CAND2: variants seen among roughly 807,000 people sequenced by gnomAD.
CAND2 encodes the protein cullin-associated NEDD8-dissociated protein 2.
In CAND2, 62 loss-of-function variants were observed where a neutral mutation model predicts 98.9. The observed-to-expected ratio is 0.63, with a 90% confidence interval of 0.51 to 0.77. CAND2 has a LOEUF of 0.77. CAND2 is among the 30% of genes least tolerant of loss of function. CAND2 has a pLI of 0.00. For missense variants in CAND2, 1,501 were observed against 1,655.2 expected, an observed-to-expected ratio of 0.91 and a Z score of 1.62; for synonymous variants, 770 against 731.9, an observed-to-expected ratio of 1.05 and a Z score of -0.84.
chr3:12,824,997 C>A (rs1470884009), intron 11 of CAND2, among the ~76,000 whole-genome samples: 1 of 152,200 alleles, frequency 6.6e-6, no homozygotes, highest in Admixed American at 6.5e-5. Flanking sequence ...GTTTCTTGAC[C>A]TCTCTGATCT....
chr3:12,816,969 G>A lies in CAND2; in HGVS notation c.2037G>A (p.Leu679=), dbSNP rs1202403627. Residue 679 remains leucine, a synonymous_variant, in exon 10 of 15, where the codon CTG becomes CTA. Coordinates refer to ENST00000456430, the MANE Select transcript of CAND2 (RefSeq NM_001162499.2). ...RLATLAALDA[L]AQSQGLSLPP... is the part of the protein sequence containing the mutation. ...CCACACTGGCAGCCCTGGACGCCCT[G>A]GCCCAGAGCCAGGGCCTCAGCCTCC... 2 of 1,613,168 alleles carry A rather than the reference G, an allele frequency of 1.2e-6. No individual in the cohort carries two copies. Among genetic ancestry groups the A allele is most frequent in the African/African-American group, 1.3e-5 (1 of 75,058 alleles).
rs1290513545 is a variant in CAND2 at position 12,816,006 on chromosome 3, C to G, written c.1439C>G (p.Ser480Ter). ...GCCGAGCATATGCCTGTGCTGGTAT[C>G]AGGTAGGCTGGACTGCAACCAGGTA... is the stretch of plus-strand genomic sequence containing the variant. ...SLAEHMPVLVSGIIFSLADRS... is the reference protein window; with the variant it reads ...SLAEHMPVLV The change falls in exon 9 of 15, where the codon TCA (serine) becomes TGA (stop). Residue 480 changes from serine (S) to a stop codon, truncating the protein, a stop_gained and splice_region_variant. Coordinates refer to ENST00000456430, the MANE Select transcript of CAND2 (RefSeq NM_001162499.2). LOFTEE classifies it high-confidence loss of function. 6.2e-7 allele frequency: 1 copy of G among 1,613,184 alleles called. No individual in the cohort carries two copies. Among genetic ancestry groups the G allele is most frequent in the Non-Finnish European group, 8.5e-7 (1 of 1,179,476 alleles).
At chr3:12,827,833 A>G (rs1045359310) in intron 13 of CAND2, among the ~76,000 whole-genome samples, 6 of 152,066 alleles carry the variant, frequency 3.9e-5, no homozygotes, top group African/African-American at 1.4e-4. Context: ...GAAAAAAAAA[A>G]TTGTCCAGGT....
At position 12,813,294 on chromosome 3, in the gene CAND2, C is replaced by T. The variant is rs1305228900; in HGVS notation, c.912C>T (p.Cys304=). The part of the protein sequence containing the change: ...GPHVPNVTSL[C]LQYIKHDPNY... Reference sequence around the variant, plus strand: ...ACGTGCCCAACGTGACCAGCCTCTGCCTCCAATACATAAAACACGACCCCA... The same window carrying T: ...ACGTGCCCAACGTGACCAGCCTCTGTCTCCAATACATAAAACACGACCCCA... Residue 304 remains cysteine, a synonymous_variant, in exon 7 of 15, where the codon TGC becomes TGT. Transcript: ENST00000456430. The T allele has an allele frequency of 1.2e-6, 2 of 1,614,038 alleles. No individual in the cohort carries two copies. The highest frequency in any genetic ancestry group is 1.7e-6 in the Non-Finnish European group (2 of 1,180,016).
At chr3:12,819,950 C>T (rs1319185931) in intron 10 of CAND2, 136 bp from the exon 11 acceptor site, 1 of 664,726 alleles carries the variant, frequency 1.5e-6, no homozygotes, top group Non-Finnish European at 2.6e-6. Context: ...TGGTAGAATC[C>T]ACTTTCCCAG....
intron 11 of CAND2, among the ~76,000 whole-genome samples, chr3:12,823,597 C>T (rs1418254435): frequency 1.3e-5 from 2 of 152,168 alleles, no homozygotes; most frequent in African/African-American, 2.4e-5. Context: ...GGCATGCTGG[C>T]GGGCGCCTGT....
At chr3:12,825,740 C>T in intron 12 of CAND2, 101 bp downstream of exon 12, 1 of 1,284,418 alleles carries the variant, frequency 7.8e-7, no homozygotes, top group Non-Finnish European at 1.1e-6. Flanking sequence ...GGTGCCGGGG[C>T]CACATGGCCT....
At position 12,817,585 on chromosome 3, in the gene CAND2, C is replaced by T; in HGVS notation, c.2653C>T (p.Leu885=). Reference sequence around the variant, plus strand: ...TGTGAGGGCTGCAGCCTCGTATGCACTGGGCCGTGTGGGTGCTGGCAGCCT... The same window carrying T: ...TGTGAGGGCTGCAGCCTCGTATGCATTGGGCCGTGTGGGTGCTGGCAGCCT... ...EDVRAAASYA[L]GRVGAGSLPD... Residue 885 remains leucine (L), a synonymous_variant, in exon 10 of 15, where the codon CTG becomes TTG. Coordinates refer to ENST00000456430, the MANE Select transcript of CAND2 (RefSeq NM_001162499.2). 1 of 1,613,930 alleles carries T rather than the reference C, an allele frequency of 6.2e-7. No individual in the cohort carries two copies. Among genetic ancestry groups the T allele is most frequent in the South Asian group, 1.1e-5 (1 of 91,086 alleles).
At chr3:12,816,133 C>A in intron 9 of CAND2, 125 bp downstream of exon 9, 1 of 1,022,734 alleles carries the variant, frequency 9.8e-7, no homozygotes, top group Non-Finnish European at 1.4e-6. Flanking sequence ...AGTCCCTGGT[C>A]AAGAGTCTCC....
chr3:12,816,620 C>A lies in CAND2; in HGVS notation c.1688C>A (p.Pro563His), dbSNP rs777455787. The A allele has an allele frequency of 6.2e-7, 1 of 1,613,956 alleles. No homozygotes were observed. The highest frequency in any genetic ancestry group is 1.1e-5 in the South Asian group (1 of 91,090). ...WPLHRPRMLD[P>H]EPYVGEMSAV... ...CTGCACAGGCCTCGGATGCTGGATC[C>A]TGAGCCATATGTTGGAGAGATGTCT... The change falls in exon 10 of 15, where the codon CCT becomes CAT. Residue 563 changes from proline (P) to histidine (H), a missense_variant. Physicochemically the swap from Pro to His is moderately conservative, Grantham distance 77 (BLOSUM62 -2). Transcript: ENST00000456430.
rs1377623485 is a variant in CAND2, at chr3:12,816,689, A to G, written c.1757A>G (p.Glu586Gly). ...CTTCGTGCCACTGACCTGGACCAGG[A>G]GGTGAAGGAGCGGGCCATTTCCTGC... ...ARLRATDLDQEVKERAISCMG... is the reference protein window; with the variant it reads ...ARLRATDLDQGVKERAISCMG... Residue 586 changes from glutamate (E) to glycine (G), a missense_variant, in exon 10 of 15, where the codon GAG becomes GGG. This residue lies in a region of CAND2 where 1,427 missense variants were observed against 1,545.3 expected (regional missense o/e 0.92). Transcript: ENST00000456430. 3 of 1,613,538 alleles carry G rather than the reference A, an allele frequency of 1.9e-6. No homozygotes were observed. The highest frequency in any genetic ancestry group is 2.5e-6 in the Non-Finnish European group (3 of 1,180,034).
intron 1 of CAND2, among the ~76,000 whole-genome samples, chr3:12,802,094 G>A (rs867675905): frequency 6.6e-6 from 1 of 152,176 alleles, no homozygotes. Flanking sequence ...TTGGGAGGCC[G>A]AGGTGGGCGG....
At position 12,825,919 on chromosome 3, in the gene CAND2, C is replaced by T. The variant is rs142210288; in HGVS notation, c.3210+280C>T. Reference sequence around the variant, plus strand: ...AGGTCCTGTAAGTGTTCAGAACCACCGCAGGCACACAGCCAGCGCTCAGTA... The same window carrying T: ...AGGTCCTGTAAGTGTTCAGAACCACTGCAGGCACACAGCCAGCGCTCAGTA... On this transcript the variant is annotated intron_variant, in intron 12 of 14. Transcript: ENST00000456430. 5.7e-3 allele frequency among the ~76,000 whole-genome samples: 865 copies of T among 152,290 alleles called. 2 individuals are homozygous for T. Among genetic ancestry groups the T allele is most frequent in the South Asian group, 0.011 (52 of 4,826 alleles).
chr3:12,826,370 G>GTGTTTACCATT lies in CAND2; in HGVS notation c.3210+732_3210+742dup, dbSNP rs545516652. ...AAGCTGGGCTTTGAAGGGTGAAAAGGTGTTTACCATTAAAACAGGGCTTCA... is the reference window on the plus strand; with the variant it reads ...AAGCTGGGCTTTGAAGGGTGAAAAGGTGTTTACCATTTGTTTACCATTAAAACAGGGCTTCA... On this transcript the variant is annotated intron_variant, in intron 12 of 14. Transcript: ENST00000456430. 4.1e-3 allele frequency among the ~76,000 whole-genome samples: 626 copies of GTGTTTACCATT among 152,304 alleles called. 3 individuals are homozygous for GTGTTTACCATT. The highest frequency in any genetic ancestry group is 6.9e-3 in the Non-Finnish European group (469 of 68,022).
rs1055740282 is a variant in CAND2, at chr3:12,834,770, T to C, written c.*788T>C. The C allele has an allele frequency of 1.3e-5, 2 of 152,198 alleles. No individual in the cohort carries two copies. The highest frequency in any genetic ancestry group is 4.8e-5 in the African/African-American group (2 of 41,452). The allele number at this position is 152,198 out of a possible 1,614,324, so 9.4% of individuals were successfully genotyped here. ...TGGCAGGCCCAAGTATTTTCTGTGA[T>C]ATCCCAGGTTAATAAAGATTAGATT... On this transcript the variant is annotated 3_prime_UTR_variant, in exon 15 of 15. Transcript: ENST00000456430.
intron 14 of CAND2, 71 bp from the exon 15 acceptor site, chr3:12,833,684 G>A: frequency 8.2e-7 from 1 of 1,226,612 alleles, no homozygotes; most frequent in South Asian, 1.3e-5. Flanking sequence ...GGAAGCCAAA[G>A]ACCAGTGAGG....
At chr3:12,804,579 G>C (rs2061791691) in intron 2 of CAND2, among the ~76,000 whole-genome samples, 1 of 152,216 alleles carries the variant, frequency 6.6e-6, no homozygotes, top group Non-Finnish European at 1.5e-5. Context: ...GTTATCTCGA[G>C]TAGAAAAAGA....
chr3:12,833,833 C>G lies in CAND2; in HGVS notation c.3562C>G (p.Leu1188Val). The change falls in exon 15 of 15, where the codon CTG becomes GTG. Residue 1188 changes from leucine (L) to valine (V), a missense_variant. Leu to Val is a conservative substitution (Grantham distance 32). Coordinates refer to ENST00000456430, the MANE Select transcript of CAND2 (RefSeq NM_001162499.2). ...KRSAMRAVAA[L>V]LTIPEVGKSP... is the part of the protein sequence containing the mutation. ...CTCTGCAATGAGGGCAGTGGCTGCC[C>G]TGCTGACCATCCCCGAGGTGGGGAA... is the stretch of plus-strand genomic sequence containing the variant. 6.2e-7 allele frequency: 1 copy of G among 1,614,238 alleles called. No individual in the cohort carries two copies. The highest frequency in any genetic ancestry group is 1.3e-5 in the African/African-American group (1 of 75,062).
chr3:12,802,828 T>C (rs1273838607), intron 1 of CAND2, among the ~76,000 whole-genome samples: 1 of 152,188 alleles, frequency 6.6e-6, no homozygotes, highest in Non-Finnish European at 1.5e-5. Context: ...TCCCAGGCTA[T>C]ATGGTGTGGC....
Sources: gnomAD v4.1 joint callset for allele counts (sites outside exome capture counted in the v4.1 genomes callset) on GRCh38, gnomAD v4.1.1 for gene constraint, gnomAD v4.1.1 regional missense constraint, MANE v1.5 for transcripts, NCBI Gene and HGNC (gene_info 2026-07-23, HGNC 2026-07-21) for gene names.